Variants in ARHGAP10 observed in about 807,000 individuals in gnomAD.
ARHGAP10 encodes the protein rho GTPase-activating protein 10.
Under a neutral mutation model 108.6 loss-of-function variants are expected in ARHGAP10, and 87 were observed. That is an observed-to-expected ratio of 0.80 (90% CI 0.67 to 0.96). ARHGAP10 has a LOEUF of 0.96. Among genes scored for constraint, ARHGAP10 ranks in the 40% least tolerant of loss-of-function variants. The pLI is 0.00. For synonymous variants in ARHGAP10, 347 were observed against 341.1 expected (o/e 1.02, Z -0.19); for missense variants, 939 against 954.5 (o/e 0.98, Z 0.21).
intron 18 of ARHGAP10, among the ~76,000 whole-genome samples, chr4:148,005,147 AT>A (rs1444514962): frequency 6.6e-6 from 1 of 152,200 alleles, no homozygotes; most frequent in Non-Finnish European, 1.5e-5. Flanking sequence ...AGGCACATTT[AT>A]GCCTCAGGGT....
intron 10 of ARHGAP10, among the ~76,000 whole-genome samples, chr4:147,887,014 C>A (rs1245608663): frequency 1.3e-5 from 2 of 152,292 alleles, no homozygotes; most frequent in Non-Finnish European, 2.9e-5. Context: ...GCCTCGGCCT[C>A]CCAAAGTGCT....
At chr4:147,776,369 G>A (rs979962658) in intron 1 of ARHGAP10, among the ~76,000 whole-genome samples, 30 of 152,046 alleles carry the variant, frequency 2.0e-4, no homozygotes, top group African/African-American at 6.5e-4. Context: ...ACAGGAACGC[G>A]TCACCACACC....
chr4:147,868,181 T>C (rs1734644697), intron 7 of ARHGAP10, among the ~76,000 whole-genome samples: 1 of 151,806 alleles, frequency 6.6e-6, no homozygotes, highest in Non-Finnish European at 1.5e-5. Flanking sequence ...TTCATTCTAG[T>C]CACCCCAAAA....
At chr4:147,821,595 C>A (rs1425024493) in intron 1 of ARHGAP10, among the ~76,000 whole-genome samples, 1 of 152,108 alleles carries the variant, frequency 6.6e-6, no homozygotes, top group Non-Finnish European at 1.5e-5. Flanking sequence ...GAATGTTGAA[C>A]AAAAGGTTAG....
chr4:147,755,766 G>C (rs532154165), intron 1 of ARHGAP10, among the ~76,000 whole-genome samples: 1 of 152,092 alleles, frequency 6.6e-6, no homozygotes, highest in Non-Finnish European at 1.5e-5. Flanking sequence ...GGACTATCAC[G>C]AAAGAAGGTG....
At chr4:147,926,283 C>T (rs1448576939) in intron 13 of ARHGAP10, among the ~76,000 whole-genome samples, 12 of 151,852 alleles carry the variant, frequency 7.9e-5, no homozygotes, top group South Asian at 2.1e-4. Flanking sequence ...GAAGGCAGGG[C>T]GGTTGCTTGA....
intron 13 of ARHGAP10, among the ~76,000 whole-genome samples, chr4:147,936,512 G>A (rs1365539439): frequency 6.6e-6 from 1 of 151,356 alleles, no homozygotes; most frequent in Non-Finnish European, 1.5e-5. Context: ...TGTATTTTTA[G>A]TAGAGACGGG....
chr4:147,957,074 T>G (rs1278371092), intron 16 of ARHGAP10, among the ~76,000 whole-genome samples: 1 of 152,184 alleles, frequency 6.6e-6, no homozygotes, highest in Non-Finnish European at 1.5e-5. Flanking sequence ...ACCAGTACCT[T>G]GTGTTTTGCT....
At chr4:148,054,178 A>G (rs1729263652) in intron 20 of ARHGAP10, among the ~76,000 whole-genome samples, 1 of 152,238 alleles carries the variant, frequency 6.6e-6, no homozygotes, top group South Asian at 2.1e-4. Context: ...TAAGGACCTC[A>G]TGGGCTCTCT....
rs138983049 is a variant in ARHGAP10 at position 147,946,975 on chromosome 4, A to G, written c.1391+271A>G. Among the ~76,000 whole-genome samples the G allele has an allele frequency of 3.4e-3, 519 of 152,334 alleles. 7 individuals are homozygous for G. Among genetic ancestry groups the G allele is most frequent in the Admixed American group, 0.029 (449 of 15,302 alleles). On this transcript the variant is annotated intron_variant, in intron 15 of 22. Transcript: ENST00000336498. ...ATGTACATTTTAGGAATTAAACACT[A>G]TGAAACAACTCGTCGAGGCTGATGA...
rs1736613878 is a variant in ARHGAP10, at chr4:147,908,838, C to CT, written c.1117-891dup. ...AAGTCCCTTTTAAGGACCCTGCCCC[C>CT]TTTATCTTATTTTTGCTCATTTGGT... is the stretch of plus-strand genomic sequence containing the variant. On this transcript the variant is annotated intron_variant, in intron 11 of 22. Coordinates refer to ENST00000336498, the MANE Select transcript of ARHGAP10 (RefSeq NM_024605.4). 4.6e-5 allele frequency among the ~76,000 whole-genome samples: 7 copies of CT among 152,324 alleles called. No individual in the cohort carries two copies. In the South Asian group the frequency reaches 1.2e-3, roughly 27 times the overall value.
chr4:147,772,959 G>A (rs752103988), intron 1 of ARHGAP10, among the ~76,000 whole-genome samples: 2 of 152,166 alleles, frequency 1.3e-5, no homozygotes, highest in Non-Finnish European at 2.9e-5. Flanking sequence ...TAGGAGTTAG[G>A]TGGAACTCTT....
At chr4:147,887,803 A>C (rs1253950786) in intron 10 of ARHGAP10, among the ~76,000 whole-genome samples, 1 of 151,748 alleles carries the variant, frequency 6.6e-6, no homozygotes, top group Non-Finnish European at 1.5e-5. Context: ...CGGAGGTTGC[A>C]GTGAGCTGAG....
In ARHGAP10 at chr4:147,955,544, G is replaced by A. The variant is rs547635913; in HGVS notation, c.1450+170G>A. On this transcript the variant is annotated intron_variant, in intron 16 of 22. Coordinates refer to ENST00000336498, the MANE Select transcript of ARHGAP10 (RefSeq NM_024605.4). ...TCATCCTTGGGAGGTGAATAAAAGG[G>A]ACAGTATATTCTTTCATTTATTCAC... 8.3e-4 allele frequency among the ~76,000 whole-genome samples: 126 copies of A among 152,138 alleles called. 1 individual carries two copies. The South Asian group carries it at 0.011, about 13-fold the overall frequency.
intron 19 of ARHGAP10, among the ~76,000 whole-genome samples, chr4:148,035,392 A>G (rs1281735996): frequency 7.9e-5 from 12 of 152,114 alleles, no homozygotes; most frequent in Admixed American, 7.9e-4. Flanking sequence ...AGCTGTATGT[A>G]GTTTTGTTTC....
chr4:147,818,409 T>TA (rs1732346500), intron 1 of ARHGAP10, among the ~76,000 whole-genome samples: 2 of 151,592 alleles, frequency 1.3e-5, no homozygotes, highest in South Asian at 4.2e-4. Flanking sequence ...CTACTAAAAA[T>TA]AAAAAAATTA....
chr4:147,949,958 T>C (rs1212422709), intron 15 of ARHGAP10, among the ~76,000 whole-genome samples: 1 of 152,264 alleles, frequency 6.6e-6, no homozygotes, highest in East Asian at 1.9e-4. Context: ...CTTGATATTC[T>C]CGGAAGCTGG....
chr4:147,853,889 A>T (rs572908961), intron 4 of ARHGAP10, among the ~76,000 whole-genome samples: 1 of 152,016 alleles, frequency 6.6e-6, no homozygotes, highest in Non-Finnish European at 1.5e-5. Context: ...ATTAATTTTG[A>T]TATGAGATGA....
chr4:148,011,129 C>T (rs1239660177), intron 18 of ARHGAP10, among the ~76,000 whole-genome samples: 1 of 152,208 alleles, frequency 6.6e-6, no homozygotes, highest in African/African-American at 2.4e-5. Context: ...TGCATCACAA[C>T]AAGAGGCACA....
Sources: allele counts gnomAD v4.1 joint callset (sites outside exome capture counted in the v4.1 genomes callset), GRCh38; gene constraint gnomAD v4.1.1; transcripts MANE v1.5; gene names NCBI Gene and HGNC (gene_info 2026-07-23, HGNC 2026-07-21).